RECK: variants seen among roughly 807,000 people sequenced by gnomAD.
RECK encodes reversion-inducing cysteine-rich protein with Kazal motifs.
A neutral mutation model predicts 115.1 loss-of-function variants in RECK; 69 were observed. The observed-to-expected ratio is 0.60, with a 90% CI of 0.49 to 0.73. RECK has a LOEUF of 0.73. RECK is among the 30% of genes least tolerant of loss of function. The pLI is 0.00. For missense variants in RECK, 1,047 were observed against 1,203.7 expected (o/e 0.87, Z 1.93); for synonymous variants, 414 against 419.7 (o/e 0.99, Z 0.17).
chr9:36,092,542 ATTTTTTTT>A lies in RECK; in HGVS notation c.1085+1213_1085+1220del, dbSNP rs71508011. On this transcript the variant is annotated intron_variant, in intron 10 of 20. Coordinates refer to ENST00000377966, the MANE Select transcript of RECK (RefSeq NM_021111.3). ...AGGCGCCTGCCACCACACCCAGCTA[ATTTTTTTT>A]TTTTTTTTTTTTTGTATTTTTAGTA... Among the ~76,000 whole-genome samples the A allele has an allele frequency of 1.6e-3, 191 of 117,058 alleles. 1 individual carries two copies. The East Asian group carries it at 0.037, about 23-fold the overall frequency. 76.8% of individuals were successfully genotyped at this position (117,058 alleles called of 152,430 possible). A position where few individuals can be genotyped will look rare whatever the true frequency, so the allele number is the denominator to read the frequency against.
chr9:36,098,092 G>A lies in RECK; in HGVS notation c.1086-2239G>A, dbSNP rs117328234. ...AGGGGAGAGGATTGGGAAAATGTTGGTCAAAGGACACAAAATTTTATTTAG... is the reference window on the plus strand; with the variant it reads ...AGGGGAGAGGATTGGGAAAATGTTGATCAAAGGACACAAAATTTTATTTAG... On this transcript the variant is annotated intron_variant, in intron 10 of 20. Transcript: ENST00000377966. Among the ~76,000 whole-genome samples the A allele has an allele frequency of 4.4e-3, 664 of 152,244 alleles. 6 individuals carry two copies. Among genetic ancestry groups the A allele is most frequent in the Non-Finnish European group, 6.0e-3 (409 of 68,008 alleles).
intron 3 of RECK, among the ~76,000 whole-genome samples, chr9:36,059,885 C>T (rs113654858): frequency 1.5e-4 from 23 of 152,308 alleles, no homozygotes; most frequent in African/African-American, 5.5e-4. Flanking sequence ...CAGTAAGTAT[C>T]CTGAGTAACT....
chr9:36,083,303 G>T, intron 7 of RECK, 62 bp from the exon 8 acceptor site: 1 of 1,469,992 alleles, frequency 6.8e-7, no homozygotes, highest in South Asian at 1.2e-5. Flanking sequence ...TCATTATGAT[G>T]ATGATTTAAT....
rs182779039 is a variant in RECK at position 36,062,202 on chromosome 9, C to A, written c.272-1593C>A. Among the ~76,000 whole-genome samples, 493 of 138,240 alleles carry A rather than the reference C, an allele frequency of 3.6e-3. 1 individual carries two copies. The highest frequency in any genetic ancestry group is 0.012 in the African/African-American group (478 of 38,652). 90.7% of individuals were successfully genotyped at this position (138,240 alleles called of 152,430 possible). ...TTGAGATGGAGTTTCACTCTTCTTG[C>A]CCAGGCTGGAGTGCAATGGCACAAT... On this transcript the variant is annotated intron_variant, in intron 4 of 20. Coordinates refer to ENST00000377966, the MANE Select transcript of RECK (RefSeq NM_021111.3).
intron 2 of RECK, among the ~76,000 whole-genome samples, chr9:36,054,594 G>C (rs1167947272): frequency 6.6e-6 from 1 of 151,348 alleles, no homozygotes; most frequent in Non-Finnish European, 1.5e-5. Flanking sequence ...TGAATTCCGT[G>C]GTGCCTAGAA....
At chr9:36,065,774 T>C (rs1254811845) in intron 6 of RECK, 150 bp downstream of exon 6, 1 of 519,666 alleles carries the variant, frequency 1.9e-6, no homozygotes, top group Non-Finnish European at 3.1e-6. Context: ...TCATTTACTG[T>C]GTTCGGAAAT....
intron 6 of RECK, among the ~76,000 whole-genome samples, chr9:36,079,679 C>T (rs140662393): frequency 3.4e-4 from 52 of 152,274 alleles, no homozygotes; most frequent in African/African-American, 1.1e-3. Flanking sequence ...AAGCCAAAAT[C>T]GTCTCGTTTC....
In RECK at chr9:36,102,245, G is replaced by GT; in HGVS notation, c.1435+16dup. The stretch of plus-strand genomic sequence containing the variant: ...TACATACCTCAGTAAGTACTTTTTT[G>GT]TATGTGTGTTTTTAGATTTCAAATA... On this transcript the variant is annotated intron_variant, in intron 12 of 20. Coordinates refer to ENST00000377966, the MANE Select transcript of RECK (RefSeq NM_021111.3). 6.3e-7 allele frequency: 1 copy of GT among 1,579,502 alleles called. No individual in the cohort carries two copies. The highest frequency in any genetic ancestry group is 2.3e-5 in the East Asian group (1 of 44,288).
At chr9:36,083,701 G>T in intron 8 of RECK, 139 bp downstream of exon 8, 1 of 952,212 alleles carries the variant, frequency 1.1e-6, no homozygotes. Context: ...AGATTTGGCA[G>T]ATTGAATAAT....
chr9:36,096,923 TACAC>T (rs3070850), intron 10 of RECK, among the ~76,000 whole-genome samples: 7 of 150,404 alleles, frequency 4.7e-5, no homozygotes, highest in African/African-American at 9.8e-5. Context: ...GGTGTGTGCA[TACAC>T]ACACACACAC....
In RECK at chr9:36,081,832, CAAA is replaced by C. The variant is rs71336424; in HGVS notation, c.439+1209_439+1211del. On this transcript the variant is annotated intron_variant, in intron 7 of 20. Transcript: ENST00000377966. ...CAGGGGACAGAGTGAGACTGTGTCTCAAAAAAAAAAAAAAAAATTTGTTCTTTG... is the reference window on the plus strand; with the variant it reads ...CAGGGGACAGAGTGAGACTGTGTCTCAAAAAAAAAAAAAATTTGTTCTTTG... Among the ~76,000 whole-genome samples the C allele has an allele frequency of 5.5e-4, 68 of 123,000 alleles. 2 individuals carry two copies. In the South Asian group the frequency reaches 0.017, roughly 30 times the overall value. 80.7% of individuals were successfully genotyped at this position (123,000 alleles called of 152,430 possible). A position where few individuals can be genotyped will look rare whatever the true frequency, so the allele number is the denominator to read the frequency against.
Position 36,063,831 on chromosome 9 carries a change from G to C in RECK, c.308G>C (p.Gly103Ala), listed in dbSNP as rs1564107990. The change falls in exon 5 of 21, where the codon GGC becomes GCC. Residue 103 changes from glycine to alanine, a missense_variant. Gly to Ala is a moderately conservative substitution (Grantham distance 60). Coordinates refer to ENST00000377966, the MANE Select transcript of RECK (RefSeq NM_021111.3). ...AAGTCTGATGGCTGGGTTGGCTTAG[G>C]CTGCTGTGAACTGGCTATTGCCTTG... ...FKKSDGWVGL[G>A]CCELAIALEC... 1 of 1,614,098 alleles carries C rather than the reference G, an allele frequency of 6.2e-7. No individual in the cohort carries two copies.
chr9:36,059,285 G>A (rs1022572342), intron 3 of RECK, among the ~76,000 whole-genome samples: 8 of 151,866 alleles, frequency 5.3e-5, no homozygotes, highest in African/African-American at 1.4e-4. Context: ...AGTGAAACCC[G>A]TCTCTACTAA....
intron 1 of RECK, among the ~76,000 whole-genome samples, chr9:36,051,891 A>G (rs1821318653): frequency 6.6e-6 from 1 of 152,236 alleles, no homozygotes; most frequent in Non-Finnish European, 1.5e-5. Flanking sequence ...CTATCTTTTT[A>G]TCAGTTGACT....
At chr9:36,121,748 G>A (rs1263106749) in intron 20 of RECK, 60 bp downstream of exon 20, 10 of 1,564,072 alleles carry the variant, frequency 6.4e-6, no homozygotes, top group African/African-American at 5.4e-5. Flanking sequence ...GCACCTAGGA[G>A]GGAGTGGGCA....
At chr9:36,050,239 A>G (rs1160628364) in intron 1 of RECK, among the ~76,000 whole-genome samples, 1 of 152,114 alleles carries the variant, frequency 6.6e-6, no homozygotes, top group Non-Finnish European at 1.5e-5. Flanking sequence ...CTAAAACTGA[A>G]TTTCTGATCA....
At chr9:36,079,044 C>T (rs1290444660) in intron 6 of RECK, among the ~76,000 whole-genome samples, 1 of 152,008 alleles carries the variant, frequency 6.6e-6, no homozygotes, top group Non-Finnish European at 1.5e-5. Flanking sequence ...TACAGGCATG[C>T]ACCACCACGC....
chr9:36,090,095 G>T (rs954485985), intron 9 of RECK, among the ~76,000 whole-genome samples: 11 of 152,058 alleles, frequency 7.2e-5, no homozygotes, highest in Non-Finnish European at 1.5e-4. Flanking sequence ...GGCAGAGGCT[G>T]CAGTCAGCCG....
rs10115326 is a variant in RECK, at chr9:36,092,683, C to G, written c.1085+1340C>G. On this transcript the variant is annotated intron_variant, in intron 10 of 20. Coordinates refer to ENST00000377966, the MANE Select transcript of RECK (RefSeq NM_021111.3). Reference sequence around the variant, plus strand: ...CTAGGATTACAGGCGTGAGCCACCACGAGTGGCCAACGTCTCTTGAAAGAT... The same window carrying G: ...CTAGGATTACAGGCGTGAGCCACCAGGAGTGGCCAACGTCTCTTGAAAGAT... Among the ~76,000 whole-genome samples, 668 of 151,820 alleles carry G rather than the reference C, an allele frequency of 4.4e-3. 2 individuals are homozygous for G. The highest frequency in any genetic ancestry group is 0.015 in the African/African-American group (631 of 41,394).
Sources: gnomAD v4.1 joint callset for allele counts (sites outside exome capture counted in the v4.1 genomes callset) on GRCh38, gnomAD v4.1.1 for gene constraint, MANE v1.5 for transcripts, NCBI Gene and HGNC (gene_info 2026-07-23, HGNC 2026-07-21) for gene names.